Variants in FGF1 observed in about 807,000 individuals in gnomAD.
FGF1 encodes beta-endothelial cell growth factor.
Under a neutral mutation model 13.4 loss-of-function variants are expected in FGF1, and 9 were observed. The ratio of observed to expected loss-of-function variants is 0.67; its 90% confidence interval spans 0.40 to 1.17. The LOEUF is 1.17. Among genes scored for constraint, FGF1 ranks in the 50% most tolerant of loss-of-function variants. FGF1 has a pLI of 0.01. For synonymous variants in FGF1, 93 were observed against 79.0 expected (o/e 1.18, Z -0.94); for missense variants, 156 against 192.7 (o/e 0.81, Z 1.13).
upstream of FGF1, chr5:142,686,448 T>G (rs1751231297): frequency 6.6e-6 from 1 of 152,254 alleles, no homozygotes; most frequent in Admixed American, 6.6e-5. Flanking sequence ...TGGGTGTTAT[T>G]TTAACGTGGT....
rs910798864 is a variant in FGF1 at position 142,594,992 on chromosome 5, G to A, written c.*298C>T. On this transcript the variant is annotated 3_prime_UTR_variant, in exon 4 of 4. Coordinates refer to ENST00000337706, the MANE Select transcript of FGF1 (RefSeq NM_000800.5). ...CCGACCCCTTAACACACTTCATTTA[G>A]CCCCACTTTTGCATGGAGGGACTCA... is the stretch of plus-strand genomic sequence containing the variant. 5 of 323,276 alleles carry A rather than the reference G, an allele frequency of 1.5e-5. No homozygotes were observed. Among genetic ancestry groups the A allele is most frequent in the Non-Finnish European group, 2.8e-5 (5 of 176,576 alleles). 20.0% of individuals were successfully genotyped at this position (323,276 alleles called of 1,614,324 possible). A position where few individuals can be genotyped will look rare whatever the true frequency, so the allele number is the denominator to read the frequency against.
Position 142,596,903 on chromosome 5 carries a change from C to G in FGF1, c.274-1419G>C, listed in dbSNP as rs17217513. On this transcript the variant is annotated intron_variant, in intron 3 of 3. Transcript: ENST00000337706. ...TGCCTTACATCTCTTTATGTACATACAGACTAGATAAGGCTATATGGATAT... is the reference window on the plus strand; with the variant it reads ...TGCCTTACATCTCTTTATGTACATAGAGACTAGATAAGGCTATATGGATAT... Among the ~76,000 whole-genome samples, 420 of 151,972 alleles carry G rather than the reference C, an allele frequency of 2.8e-3. 17 individuals carry two copies. The East Asian group carries it at 0.07, about 25-fold the overall frequency.
At chr5:142,655,163 C>T (rs1020943155) in intron 1 of FGF1, among the ~76,000 whole-genome samples, 5 of 152,184 alleles carry the variant, frequency 3.3e-5, no homozygotes, top group Admixed American at 6.5e-5. Flanking sequence ...CTTGGTTCAA[C>T]GTGGTAATAG....
At chr5:142,657,824 C>G (rs1470217524) in intron 1 of FGF1, among the ~76,000 whole-genome samples, 1 of 152,216 alleles carries the variant, frequency 6.6e-6, no homozygotes, top group African/African-American at 2.4e-5. Flanking sequence ...TCTTCTTTCT[C>G]CTTCTCTTGC....
chr5:142,670,461 G>T (rs955476198), intron 1 of FGF1, among the ~76,000 whole-genome samples: 1 of 152,174 alleles, frequency 6.6e-6, no homozygotes, highest in Non-Finnish European at 1.5e-5. Context: ...AGTCAGTAGG[G>T]TCCTTCCTTC....
chr5:142,637,880 AG>A (rs1393506016), intron 1 of FGF1, among the ~76,000 whole-genome samples: 3 of 152,004 alleles, frequency 2.0e-5, no homozygotes, highest in African/African-American at 7.3e-5. Context: ...CAGAGCCTGG[AG>A]GGGAAAGGGT....
chr5:142,647,186 T>C (rs944767928), intron 1 of FGF1, among the ~76,000 whole-genome samples: 1 of 152,204 alleles, frequency 6.6e-6, no homozygotes, highest in African/African-American at 2.4e-5. Flanking sequence ...TCTCTGCCAT[T>C]TCTCATTTGC....
At position 142,606,460 on chromosome 5, in the gene FGF1, CAA is replaced by C. The variant is rs200473800; in HGVS notation, c.170-5657_170-5656del. Among the ~76,000 whole-genome samples the C allele has an allele frequency of 1.5e-3, 203 of 134,102 alleles. 2 individuals carry two copies. The highest frequency in any genetic ancestry group is 5.2e-3 in the African/African-American group (191 of 36,958). 88.0% of individuals were successfully genotyped at this position (134,102 alleles called of 152,430 possible). ...TGAAACCCCGTCTCTACTAAAAATA[CAA>C]AAAAAAAAAAATTAGCCAGATGTGT... On this transcript the variant is annotated intron_variant, in intron 2 of 3. Coordinates refer to ENST00000337706, the MANE Select transcript of FGF1 (RefSeq NM_000800.5).
chr5:142,686,464 T>C (rs992179774), upstream of FGF1: 15 of 152,228 alleles, frequency 9.9e-5, 1 homozygote, highest in African/African-American at 3.6e-4. Context: ...GTGGTTTGTC[T>C]TGGGGCAAAT....
intron 1 of FGF1, among the ~76,000 whole-genome samples, chr5:142,614,601 C>T (rs565627318): frequency 3.3e-5 from 5 of 152,114 alleles, no homozygotes; most frequent in East Asian, 1.9e-4. Flanking sequence ...CCTCACGTTG[C>T]GTTGGTGAGG....
chr5:142,694,101 AT>A (rs1752701123), intron 2 of FGF1, among the ~76,000 whole-genome samples: 2 of 143,736 alleles, frequency 1.4e-5, no homozygotes, highest in African/African-American at 5.0e-5. Context: ...CTATCTATCT[AT>A]CTATCTATCT....
intron 1 of FGF1, among the ~76,000 whole-genome samples, chr5:142,644,806 C>T (rs985143959): frequency 1.3e-5 from 2 of 152,314 alleles, no homozygotes; most frequent in East Asian, 3.9e-4. Flanking sequence ...GGGCAGAGTG[C>T]ATGGCACATA....
intron 1 of FGF1, among the ~76,000 whole-genome samples, chr5:142,616,763 C>A (rs1329100330): frequency 6.6e-6 from 1 of 152,186 alleles, no homozygotes; most frequent in Admixed American, 6.5e-5. Context: ...TTAGCTCTTC[C>A]CAGTGTGGAT....
At chr5:142,677,708 A>T (rs1772893655) in intron 1 of FGF1, among the ~76,000 whole-genome samples, 1 of 152,108 alleles carries the variant, frequency 6.6e-6, no homozygotes, top group Non-Finnish European at 1.5e-5. Flanking sequence ...TTAGTGATTC[A>T]CTCAGTCATT....
chr5:142,682,036 C>T (rs1773812214), intron 1 of FGF1, among the ~76,000 whole-genome samples: 1 of 151,992 alleles, frequency 6.6e-6, no homozygotes, highest in Non-Finnish European at 1.5e-5. Context: ...TATAGAGTGT[C>T]ACTTTGGGCT....
chr5:142,596,318 T>TTA (rs1755239664), intron 3 of FGF1, among the ~76,000 whole-genome samples: 1 of 146,160 alleles, frequency 6.8e-6, no homozygotes, highest in African/African-American at 2.6e-5. Flanking sequence ...ATTTTTTTTT[T>TTA]AATTAGCTAG....
Position 142,592,529 on chromosome 5 carries a change from G to GA in FGF1, c.*2760dup. ...ACATATGTTCATGATGCTTTGTTCA[G>GA]AGCTGGCCCGAAAATGAATCCATAT... On this transcript the variant is annotated 3_prime_UTR_variant, in exon 4 of 4. Transcript: ENST00000337706. The GA allele has an allele frequency of 2.5e-6, 1 of 398,142 alleles. No individual in the cohort carries two copies. The highest frequency in any genetic ancestry group is 4.4e-6 in the Non-Finnish European group (1 of 225,804). The allele number at this position is 398,142 out of a possible 1,614,324, so 24.7% of individuals were successfully genotyped here.
chr5:142,608,562 A>ACACATC (rs1448728962), intron 2 of FGF1, among the ~76,000 whole-genome samples: 2,548 of 89,092 alleles, frequency 0.029, 110 homozygotes, highest in African/African-American at 0.13. Context: ...ATATATATAT[A>ACACATC]TATATATATA....
At chr5:142,604,398 T>G (rs185271167) in intron 2 of FGF1, among the ~76,000 whole-genome samples, 1 of 152,314 alleles carries the variant, frequency 6.6e-6, no homozygotes, top group Admixed American at 6.5e-5. Context: ...AGGGGCTAAC[T>G]TTTATTGATC....
Sources: gnomAD v4.1 joint callset for allele counts (sites outside exome capture counted in the v4.1 genomes callset) on GRCh38, gnomAD v4.1.1 for gene constraint, MANE v1.5 for transcripts, NCBI Gene and HGNC (gene_info 2026-07-23, HGNC 2026-07-21) for gene names.